Variants in CCDC102B observed in about 807,000 individuals in gnomAD.
CCDC102B encodes coiled-coil domain-containing protein 102B.
A neutral mutation model predicts 57.4 loss-of-function variants in CCDC102B; 75 were observed. The observed-to-expected ratio is 1.31, with a 90% CI of 1.08 to 1.58. The LOEUF (loss-of-function observed/expected upper bound fraction) is 1.58, where lower values mean the gene tolerates loss of function less well. Among genes scored for constraint, CCDC102B ranks in the 40% most tolerant of loss-of-function variants. The pLI is 0.00. For synonymous variants in CCDC102B, 206 were observed against 201.9 expected, an observed-to-expected ratio of 1.02 and a Z score of -0.17; for missense variants, 636 against 582.6, an observed-to-expected ratio of 1.09 and a Z score of -0.94.
intron 6 of CCDC102B, among the ~76,000 whole-genome samples, chr18:68,969,364 A>G (rs182494604): frequency 1.8e-4 from 28 of 152,308 alleles, no homozygotes; most frequent in Middle Eastern, 3.4e-3. Flanking sequence ...GTGCTCTGCA[A>G]TGAAATGGTA....
chr18:68,876,865 G>C (rs1599617901), intron 5 of CCDC102B, among the ~76,000 whole-genome samples: 1 of 151,930 alleles, frequency 6.6e-6, no homozygotes, highest in East Asian at 1.9e-4. Flanking sequence ...TATACTTTCT[G>C]GTCATTTAGA....
At chr18:68,866,753 G>A (rs1396412330) in intron 4 of CCDC102B, 6 of 630,510 alleles carry the variant, frequency 9.5e-6, no homozygotes, top group Non-Finnish European at 1.8e-5. Flanking sequence ...ATTGCTTTGA[G>A]TGCACGGGTC....
intron 1 of CCDC102B, among the ~76,000 whole-genome samples, chr18:68,823,642 A>G (rs2036785514): frequency 6.6e-6 from 1 of 152,208 alleles, no homozygotes; most frequent in African/African-American, 2.4e-5. Context: ...ATTGCTTTCC[A>G]TGGTGGCTGA....
chr18:68,894,234 G>A (rs1433428784), intron 5 of CCDC102B, among the ~76,000 whole-genome samples: 1 of 151,972 alleles, frequency 6.6e-6, no homozygotes, highest in Non-Finnish European at 1.5e-5. Flanking sequence ...AGTAAGTGTA[G>A]TATTGGATAT....
chr18:68,804,616 G>T (rs2035969281), intron 1 of CCDC102B, among the ~76,000 whole-genome samples: 2 of 152,044 alleles, frequency 1.3e-5, no homozygotes, highest in African/African-American at 4.8e-5. Flanking sequence ...GCCAAGAAAG[G>T]GAATGATGAA....
intron 2 of CCDC102B, among the ~76,000 whole-genome samples, chr18:68,791,438 A>G (rs897864938): frequency 2.6e-5 from 4 of 152,152 alleles, no homozygotes; most frequent in Non-Finnish European, 1.5e-5. Flanking sequence ...CTTTCTATGT[A>G]TGTGGTAATC....
At chr18:68,809,999 T>G (rs2036182847) in intron 1 of CCDC102B, among the ~76,000 whole-genome samples, 1 of 152,198 alleles carries the variant, frequency 6.6e-6, no homozygotes, top group Admixed American at 6.5e-5. Context: ...TAAAGACAAA[T>G]GAAAATAGTA....
intron 6 of CCDC102B, among the ~76,000 whole-genome samples, chr18:68,935,726 G>A (rs913305509): frequency 6.6e-6 from 1 of 151,900 alleles, no homozygotes; most frequent in African/African-American, 2.4e-5. Flanking sequence ...CAGAAGTCAG[G>A]GACAGGCCTT....
intron 6 of CCDC102B, among the ~76,000 whole-genome samples, chr18:68,955,837 CT>C (rs1282537125): frequency 6.6e-6 from 1 of 151,828 alleles, no homozygotes; most frequent in African/African-American, 2.4e-5. Flanking sequence ...TTGATACAGG[CT>C]AAATGTGTAG....
chr18:68,831,571 A>G (rs564015685), intron 1 of CCDC102B, among the ~76,000 whole-genome samples: 2 of 152,254 alleles, frequency 1.3e-5, no homozygotes, highest in South Asian at 2.1e-4. Context: ...TTTATTTTAT[A>G]TTATTAAGTT....
intron 6 of CCDC102B, among the ~76,000 whole-genome samples, chr18:69,008,894 C>T (rs2051424758): frequency 6.6e-6 from 1 of 152,168 alleles, no homozygotes; most frequent in Non-Finnish European, 1.5e-5. Flanking sequence ...ATATAAAAGG[C>T]TGCCATATTA....
chr18:68,840,246 C>T (rs1329666813), intron 3 of CCDC102B, among the ~76,000 whole-genome samples: 2 of 152,034 alleles, frequency 1.3e-5, no homozygotes, highest in African/African-American at 2.4e-5. Context: ...TGCATATATA[C>T]ACACAATGTA....
At chr18:69,047,537 C>T (rs1055089124) in intron 7 of CCDC102B, among the ~76,000 whole-genome samples, 2 of 152,046 alleles carry the variant, frequency 1.3e-5, no homozygotes, top group Non-Finnish European at 2.9e-5. Context: ...GAAGCCCTGA[C>T]TAGAGCTATC....
At chr18:68,743,626 C>T (rs1175509141) in intron 2 of CCDC102B, among the ~76,000 whole-genome samples, 1 of 152,192 alleles carries the variant, frequency 6.6e-6, no homozygotes, top group African/African-American at 2.4e-5. Flanking sequence ...TGCCTTTAAA[C>T]TAAAGCCTTG....
chr18:68,800,963 T>C lies in CCDC102B; in HGVS notation c.-16+2782T>C, dbSNP rs147129051. 4.3e-3 allele frequency among the ~76,000 whole-genome samples: 650 copies of C among 152,066 alleles called. 4 individuals carry two copies. Among genetic ancestry groups the C allele is most frequent in the Non-Finnish European group, 7.8e-3 (529 of 67,940 alleles). The stretch of plus-strand genomic sequence containing the variant: ...TGGGATAACATTCATTTTCTTCTTC[T>C]TTTTTTTCAATGAAATAAAAATTAT... On this transcript the variant is annotated intron_variant, in intron 1 of 7. Transcript: ENST00000360242.
intron 2 of CCDC102B, among the ~76,000 whole-genome samples, chr18:68,783,386 C>A (rs1194521554): frequency 2.0e-5 from 3 of 152,156 alleles, no homozygotes; most frequent in African/African-American, 7.2e-5. Flanking sequence ...TGCTAGGAAG[C>A]CTCCTCAGAG....
At chr18:68,932,056 A>G (rs1210695041) in intron 6 of CCDC102B, among the ~76,000 whole-genome samples, 6 of 151,800 alleles carry the variant, frequency 4.0e-5, no homozygotes, top group African/African-American at 1.2e-4. Context: ...TGTTGAACTG[A>G]TGTATGAATC....
At chr18:68,805,366 G>C (rs1026529604) in intron 1 of CCDC102B, among the ~76,000 whole-genome samples, 2 of 152,166 alleles carry the variant, frequency 1.3e-5, no homozygotes. Flanking sequence ...AGTGAGACCA[G>C]ATAGCAATGG....
chr18:69,017,606 C>T (rs140280418), intron 7 of CCDC102B, among the ~76,000 whole-genome samples: 64 of 152,094 alleles, frequency 4.2e-4, no homozygotes, highest in Middle Eastern at 3.4e-3. Flanking sequence ...AATTACCAGT[C>T]GAATGCATTA....
Sources: allele counts gnomAD v4.1 joint callset (sites outside exome capture counted in the v4.1 genomes callset), GRCh38; gene constraint gnomAD v4.1.1; transcripts MANE v1.5; gene names NCBI Gene and HGNC (gene_info 2026-07-23, HGNC 2026-07-21).